Variants in PFDN5 observed in about 807,000 individuals in gnomAD.
The protein encoded by PFDN5 is prefoldin subunit 5.
Under a neutral mutation model 21.5 loss-of-function variants are expected in PFDN5, and 13 were observed. The observed-to-expected ratio is 0.60, with a 90% CI of 0.39 to 0.96. The LOEUF is 0.96. Among genes scored for constraint, PFDN5 ranks in the 40% least tolerant of loss-of-function variants. The probability of loss-of-function intolerance (pLI) is 0.00; values close to 1 mark genes in which losing one functional copy is unlikely to be tolerated. For missense variants in PFDN5, 188 were observed against 186.2 expected (o/e 1.01, Z -0.06); for synonymous variants, 84 against 68.9 (o/e 1.22, Z -1.08).
intron 3 of PFDN5, chr12:53,297,633 G>A: frequency 1.9e-6 from 1 of 540,160 alleles, no homozygotes; most frequent in South Asian, 2.0e-5. Context: ...GGACAAGAGG[G>A]TGTTCCAGCA....
chr12:53,297,594 G>A (rs1445454510), intron 3 of PFDN5: 2 of 472,010 alleles, frequency 4.2e-6, no homozygotes, highest in Non-Finnish European at 7.8e-6. Flanking sequence ...TGCAAGAACT[G>A]CTTAGAGAGT....
chr12:53,299,427 A>G lies in PFDN5; in HGVS notation c.*82A>G. 1 of 884,638 alleles carries G rather than the reference A, an allele frequency of 1.1e-6. No homozygotes were observed. Among genetic ancestry groups the G allele is most frequent in the Non-Finnish European group, 1.8e-6 (1 of 545,586 alleles). The allele number at this position is 884,638 out of a possible 1,614,324, so 54.8% of individuals were successfully genotyped here. On this transcript the variant is annotated 3_prime_UTR_variant, in exon 6 of 6. Transcript: ENST00000334478. ...GGGAAGGGTCTTGTGTTTTAATGCC[A>G]ATAAATGTGCCAGCTGGGCAGAATG...
chr12:53,297,552 C>T (rs143319143), intron 3 of PFDN5: 17 of 322,446 alleles, frequency 5.3e-5, no homozygotes, highest in African/African-American at 2.1e-4. Context: ...GAAAACATGT[C>T]TAGTCTTTCT....
At chr12:53,296,617 C>A (rs1944155136) in intron 3 of PFDN5, 1 of 377,330 alleles carries the variant, frequency 2.7e-6, no homozygotes, top group Non-Finnish European at 4.9e-6. Context: ...ACCATATTGG[C>A]CAGGCTAGTC....
chr12:53,296,195 G>A (rs765095261), intron 2 of PFDN5, 49 bp from the exon 3 acceptor site: 10 of 1,563,396 alleles, frequency 6.4e-6, no homozygotes, highest in Admixed American at 1.7e-5. Flanking sequence ...AACGTCTTAC[G>A]TTGGAGCCGC....
rs774740680 is a variant in PFDN5, at chr12:53,296,256, T to C, written c.188T>C (p.Leu63Pro). 1 of 1,609,444 alleles carries C rather than the reference T, an allele frequency of 6.2e-7. No homozygotes were observed. The highest frequency in any genetic ancestry group is 1.3e-5 in the African/African-American group (1 of 74,960). ...ATTGCTTTCACAGGGAAAGAATTAC[T>C]CGTCCCACTGACGAGTTCTGTATCC... ...LNKSNEGKEL[L>P]VPLTSSMYVP... Residue 63 changes from leucine (L) to proline (P), a missense_variant, in exon 3 of 6, where the codon CTC (leucine) becomes CCC (proline). Physicochemically the swap from Leu to Pro is moderately conservative, Grantham distance 98 (BLOSUM62 -3). Transcript: ENST00000334478.
chr12:53,298,795 A>C (rs1944188520), intron 5 of PFDN5: 2 of 161,296 alleles, frequency 1.2e-5, no homozygotes, highest in African/African-American at 4.8e-5. Flanking sequence ...TGCATTGTAG[A>C]CCCTAAATTT....
At position 53,298,110 on chromosome 12, in the gene PFDN5, A is replaced by G. The variant is rs1357209803; in HGVS notation, c.348A>G (p.Lys116=). 3.1e-6 allele frequency: 5 copies of G among 1,613,652 alleles called. No individual in the cohort carries two copies. The African/African-American group carries it at 6.7e-5, about 22-fold the overall frequency. ...ATTTTCTAACCAAGCAGATGGAGAAAATCCAACCAGCTCTTCAGGAGAAGC... is the reference window on the plus strand; with the variant it reads ...ATTTTCTAACCAAGCAGATGGAGAAGATCCAACCAGCTCTTCAGGAGAAGC... ...KIDFLTKQME[K]IQPALQEKHA... Residue 116 remains lysine, a synonymous_variant, in exon 5 of 6, where the codon AAA becomes AAG. Coordinates refer to ENST00000334478, the MANE Select transcript of PFDN5 (RefSeq NM_002624.4).
rs1565771611 is a variant in PFDN5, at chr12:53,299,291, G to A, written c.411G>A (p.Gln137=). 1 of 1,612,874 alleles carries A rather than the reference G, an allele frequency of 6.2e-7. No homozygotes were observed. ...MKQAVMEMMS[Q]KIQQLTALGA... is the part of the protein sequence containing the mutation. ...CAGCCGTCATGGAAATGATGAGTCA[G>A]AAGATTCAGCAGCTCACAGCCCTGG... The change falls in exon 6 of 6, where the codon CAG becomes CAA. Residue 137 remains glutamine (Q), a synonymous_variant. Transcript: ENST00000334478.
At chr12:53,298,505 C>A (rs1435597409) in intron 5 of PFDN5, 2 of 189,270 alleles carry the variant, frequency 1.1e-5, no homozygotes, top group African/African-American at 4.7e-5. Context: ...AAAAAGAAAG[C>A]TTGGGCCCAT....
In PFDN5 at chr12:53,296,467, G is replaced by T. The variant is rs747100726; in HGVS notation, c.207+192G>T. 2.2e-5 allele frequency: 15 copies of T among 678,258 alleles called. No individual in the cohort carries two copies. In the South Asian group the frequency reaches 2.2e-4, roughly 10 times the overall value. 42.0% of individuals were successfully genotyped at this position (678,258 alleles called of 1,614,324 possible). ...TCTGTCGCCCAGGCTGGAGCGCAATGGTGAGATCTTGGCTTACTGCAACCT... is the reference window on the plus strand; with the variant it reads ...TCTGTCGCCCAGGCTGGAGCGCAATTGTGAGATCTTGGCTTACTGCAACCT... On this transcript the variant is annotated intron_variant, in intron 3 of 5. Transcript: ENST00000334478.
rs1592504836 is a variant in PFDN5 at position 53,299,403 on chromosome 12, G to C, written c.*58G>C. On this transcript the variant is annotated 3_prime_UTR_variant, in exon 6 of 6. Coordinates refer to ENST00000334478, the MANE Select transcript of PFDN5 (RefSeq NM_002624.4). ...CTTTGGGCGTGGCTTCCTGGTGATGGGAAGGGTCTTGTGTTTTAATGCCAA... is the reference window on the plus strand; with the variant it reads ...CTTTGGGCGTGGCTTCCTGGTGATGCGAAGGGTCTTGTGTTTTAATGCCAA... 24 of 1,105,048 alleles carry C rather than the reference G, an allele frequency of 2.2e-5. No individual in the cohort carries two copies. In the South Asian group the frequency reaches 2.8e-4, roughly 13 times the overall value. The allele number at this position is 1,105,048 out of a possible 1,614,324, so 68.5% of individuals were successfully genotyped here.
chr12:53,296,493 C>T (rs1944152963), intron 3 of PFDN5: 1 of 651,336 alleles, frequency 1.5e-6, no homozygotes, highest in Non-Finnish European at 2.8e-6. Flanking sequence ...ACTGCAACCT[C>T]CGCCTCCCGA....
intron 5 of PFDN5, chr12:53,298,910 TG>T: frequency 4.9e-6 from 1 of 204,102 alleles, no homozygotes; most frequent in South Asian, 6.4e-5. Flanking sequence ...CCAAGGCAGG[TG>T]GATCACCTGA....
intron 4 of PFDN5, 48 bp downstream of exon 4, chr12:53,297,972 A>G: frequency 6.3e-7 from 1 of 1,575,678 alleles, no homozygotes; most frequent in Non-Finnish European, 8.7e-7. Flanking sequence ...AGGGAAATTC[A>G]GGGGAAGCTC....
rs1171074510 is a variant in PFDN5, at chr12:53,298,065, C to G, written c.303C>G (p.Asp101Glu). Residue 101 changes from aspartate (D) to glutamate (E), a missense_variant, in exon 5 of 6, where the codon GAC (aspartate) becomes GAG (glutamate). Asp to Glu is a conservative substitution (Grantham distance 45). Coordinates refer to ENST00000334478, the MANE Select transcript of PFDN5 (RefSeq NM_002624.4). ...TGTAGACAGCTGAGGATGCCAAGGACTTCTTCAAGAGGAAGATAGATTTTC... is the reference window on the plus strand; with the variant it reads ...TGTAGACAGCTGAGGATGCCAAGGAGTTCTTCAAGAGGAAGATAGATTTTC... ...YVEKTAEDAK[D>E]FFKRKIDFLT... 6.2e-7 allele frequency: 1 copy of G among 1,612,940 alleles called. No homozygotes were observed.
Position 53,295,630 on chromosome 12 carries a change from G to A in PFDN5, c.63G>A (p.Gln21=). 6.2e-7 allele frequency: 1 copy of A among 1,613,606 alleles called. No individual in the cohort carries two copies. Among genetic ancestry groups the A allele is most frequent in the Non-Finnish European group, 8.5e-7 (1 of 1,179,450 alleles). The change falls in exon 1 of 6, where the codon CAG becomes CAA. Residue 21 remains glutamine (Q), a synonymous_variant. Coordinates refer to ENST00000334478, the MANE Select transcript of PFDN5 (RefSeq NM_002624.4). The part of the protein sequence containing the change: ...NLPQLEMLKN[Q]LDQEVEFLST... Reference sequence around the variant, plus strand: ...CGCAGCTAGAAATGCTCAAGAACCAGCTGGACCAGGTGGGGACGGGCCCCA... The same window carrying A: ...CGCAGCTAGAAATGCTCAAGAACCAACTGGACCAGGTGGGGACGGGCCCCA...
chr12:53,295,915 T>C lies in PFDN5; in HGVS notation c.149T>C (p.Leu50Pro). Residue 50 changes from leucine to proline, a missense_variant, in exon 2 of 6, where the codon CTG (leucine) becomes CCG (proline). Leu to Pro is a moderately conservative substitution (Grantham distance 98). Transcript: ENST00000334478. Reference sequence around the variant, plus strand: ...AAGTATGTGGAAGCCAAGGACTGTCTGAACGTGCTGAACAAGAGCAACGAG... The same window carrying C: ...AAGTATGTGGAAGCCAAGGACTGTCCGAACGTGCTGAACAAGAGCAACGAG... ...QTKYVEAKDC[L>P]NVLNKSNEGK... 1.9e-6 allele frequency: 3 copies of C among 1,610,606 alleles called. No homozygotes were observed. Among genetic ancestry groups the C allele is most frequent in the Non-Finnish European group, 2.5e-6 (3 of 1,176,816 alleles).
At chr12:53,297,718 C>G (rs747998267) in intron 3 of PFDN5, 132 bp from the exon 4 acceptor site, 2 of 694,572 alleles carry the variant, frequency 2.9e-6, no homozygotes, top group Non-Finnish European at 5.3e-6. Context: ...GTTCTAAGGC[C>G]TCCAGATTAT....
Sources: gnomAD v4.1 joint callset for allele counts on GRCh38, gnomAD v4.1.1 for gene constraint, MANE v1.5 for transcripts, NCBI Gene and HGNC (gene_info 2026-07-23, HGNC 2026-07-21) for gene names.